Variants in MYO18B observed in about 807,000 individuals in gnomAD.
MYO18B encodes the protein unconventional myosin-XVIIIb.
In MYO18B, 204 loss-of-function variants were observed where a neutral mutation model predicts 273.0. The observed-to-expected ratio is 0.75, with a 90% CI of 0.67 to 0.84. The LOEUF (loss-of-function observed/expected upper bound fraction) is 0.84. Ranked by LOEUF, MYO18B falls within the 40% of genes least tolerant of loss-of-function variation. MYO18B has a pLI of 0.00. For missense variants in MYO18B, 3,212 were observed against 3,287.6 expected (o/e 0.98, Z 0.56); for synonymous variants, 1,330 against 1,305.7 (o/e 1.02, Z -0.40).
At chr22:25,982,544 T>C (rs1017414939) in intron 39 of MYO18B, among the ~76,000 whole-genome samples, 6 of 152,212 alleles carry the variant, frequency 3.9e-5, no homozygotes, top group African/African-American at 1.4e-4. Context: ...ATCATCAGGA[T>C]TGGTGCCTTC....
Position 25,769,224 on chromosome 22 carries a change from C to G in MYO18B, c.1308C>G (p.Gly436=), listed in dbSNP as rs900423862. The G allele has an allele frequency of 1.2e-6, 2 of 1,602,778 alleles. No homozygotes were observed. Among genetic ancestry groups the G allele is most frequent in the African/African-American group, 2.7e-5 (2 of 74,730 alleles). Reference sequence around the variant, plus strand: ...CGCCAGCAGCTCCTGGGAAGGGAGGCTGGCCAGGAAGCCGTGGGCAGGAAG... The same window carrying G: ...CGCCAGCAGCTCCTGGGAAGGGAGGGTGGCCAGGAAGCCGTGGGCAGGAAG... The part of the protein sequence containing the change: ...VESPAAPGKG[G]WPGSRGQEAE... The change falls in exon 4 of 44, where the codon GGC becomes GGG. Residue 436 remains glycine (G), a synonymous_variant. Transcript: ENST00000335473.
chr22:25,904,111 G>T (rs1025150202), intron 31 of MYO18B, among the ~76,000 whole-genome samples: 1 of 152,128 alleles, frequency 6.6e-6, no homozygotes, highest in Non-Finnish European at 1.5e-5. Context: ...CCTTAGCTGG[G>T]TTGCTTTACT....
chr22:25,781,305 G>A (rs184615636), intron 9 of MYO18B, among the ~76,000 whole-genome samples: 52 of 152,298 alleles, frequency 3.4e-4, no homozygotes, highest in Admixed American at 6.5e-4. Flanking sequence ...GACCTGAGAT[G>A]TTGTCTCGAA....
At position 25,874,410 on chromosome 22, in the gene MYO18B, T is replaced by C. The variant is rs1601425828; in HGVS notation, c.4076T>C (p.Leu1359Pro). ...CTGTCTCGCCAGGAATTCAAGAAGC[T>C]GAAGGTACTGCATGCCGTTCCCATG... ...GFLSRQEFKK[L>P]KIRRLAAQCI... The change falls in exon 23 of 44, where the codon CTG becomes CCG. Residue 1359 changes from leucine to proline, a missense_variant. Physicochemically the swap from Leu to Pro is moderately conservative, Grantham distance 98 (BLOSUM62 -3). Transcript: ENST00000335473. 10 of 1,613,230 alleles carry C rather than the reference T, an allele frequency of 6.2e-6. 1 individual carries two copies. In the Admixed American group the frequency reaches 1.2e-4, roughly 19 times the overall value.
intron 12 of MYO18B, among the ~76,000 whole-genome samples, chr22:25,808,509 T>C (rs951940544): frequency 4.6e-5 from 7 of 152,136 alleles, no homozygotes; most frequent in African/African-American, 1.7e-4. Context: ...TCTTCTCCAC[T>C]ACAAGGCCAC....
intron 42 of MYO18B, among the ~76,000 whole-genome samples, chr22:26,014,528 G>A (rs1601834398): frequency 6.6e-6 from 1 of 152,204 alleles, no homozygotes; most frequent in Non-Finnish European, 1.5e-5. Context: ...TGCTTTGATG[G>A]CTTCCCACTG....
chr22:25,904,228 C>T (rs886339226), intron 31 of MYO18B, among the ~76,000 whole-genome samples: 2 of 152,186 alleles, frequency 1.3e-5, no homozygotes, highest in Non-Finnish European at 2.9e-5. Flanking sequence ...TTTTCTCTTT[C>T]TCTTGCTTCT....
At position 25,925,814 on chromosome 22, in the gene MYO18B, A is replaced by AG. The variant is rs1177837972; in HGVS notation, c.5517+4406dup. 3.3e-5 allele frequency among the ~76,000 whole-genome samples: 5 copies of AG among 149,926 alleles called. No individual in the cohort carries two copies. The East Asian group carries it at 9.9e-4, about 30-fold the overall frequency. ...CAGCTACTCAGGAGGCTGAGGCAGG[A>AG]GAATCACTTGAACCCGGGAGGTAGA... On this transcript the variant is annotated intron_variant, in intron 34 of 43. Coordinates refer to ENST00000335473, the MANE Select transcript of MYO18B (RefSeq NM_032608.7).
Position 25,835,376 on chromosome 22 carries a change from C to T in MYO18B, c.3141C>T (p.Gly1047=), listed in dbSNP as rs762263849. 9 of 1,613,830 alleles carry T rather than the reference C, an allele frequency of 5.6e-6. No homozygotes were observed. In the African/African-American group the frequency reaches 9.3e-5, roughly 17 times the overall value. Residue 1047 remains glycine (G), a synonymous_variant, in exon 17 of 44, where the codon GGC becomes GGT. Transcript: ENST00000335473. Reference sequence around the variant, plus strand: ...TAGATGAGGAAGTCCATGTAGAGGGCTCCAGTGACAGTGTGGTGCTCGAGC... The same window carrying T: ...TAGATGAGGAAGTCCATGTAGAGGGTTCCAGTGACAGTGTGGTGCTCGAGC... ...WVLDEEVHVE[G]SSDSVVLERL... is the part of the protein sequence containing the mutation.
At chr22:25,948,482 C>CTTTCCTCTCT (rs2092750081) in intron 36 of MYO18B, among the ~76,000 whole-genome samples, 1 of 98,892 alleles carries the variant, frequency 1.0e-5, no homozygotes, top group Admixed American at 1.1e-4. Context: ...TTCTTTCTTT[C>CTTTCCTCTCT]TTTCTCTTTC....
At chr22:25,944,748 G>A (rs1460559021) in intron 34 of MYO18B, among the ~76,000 whole-genome samples, 1 of 151,854 alleles carries the variant, frequency 6.6e-6, no homozygotes, top group Non-Finnish European at 1.5e-5. Context: ...TCCAGAGGCT[G>A]AGGCAGGAGA....
At chr22:25,838,963 G>C (rs1433544624) in intron 17 of MYO18B, among the ~76,000 whole-genome samples, 1 of 151,492 alleles carries the variant, frequency 6.6e-6, no homozygotes, top group Non-Finnish European at 1.5e-5. Context: ...CTAGTTGTTT[G>C]TATATGTGAG....
At chr22:25,787,309 C>CACACACACACACACACACACAG (rs57856007) in intron 11 of MYO18B, among the ~76,000 whole-genome samples, 47 of 144,784 alleles carry the variant, frequency 3.2e-4, no homozygotes, top group African/African-American at 1.2e-3. Flanking sequence ...CACACACACA[C>CACACACACACACACACACACAG]AGTCTGTCTT....
intron 39 of MYO18B, among the ~76,000 whole-genome samples, chr22:25,990,740 A>T: frequency 8.3e-6 from 1 of 119,796 alleles, no homozygotes; most frequent in Non-Finnish European, 1.7e-5. Flanking sequence ...AAAAAAAAAG[A>T]CTCCAGGCTA....
chr22:25,903,354 C>T (rs2091975934), intron 30 of MYO18B: 1 of 414,514 alleles, frequency 2.4e-6, no homozygotes, highest in African/African-American at 2.0e-5. Flanking sequence ...ATGGGGTCAA[C>T]CCTTCCTGTA....
At chr22:26,040,810 T>C in the MYO18B span, among the ~76,000 whole-genome samples, 9 of 151,678 alleles carry the variant, frequency 5.9e-5, no homozygotes, top group African/African-American at 2.2e-4. Flanking sequence ...ATCGAGTGGG[T>C]GAGGAATGGT....
In MYO18B at chr22:25,878,000, G is replaced by C; in HGVS notation, c.4266G>C (p.Glu1422Asp). The change falls in exon 25 of 44, where the codon GAG (glutamate) becomes GAC (aspartate). Residue 1422 changes from glutamate (E) to aspartate (D), a missense_variant. Coordinates refer to ENST00000335473, the MANE Select transcript of MYO18B (RefSeq NM_032608.7). The part of the protein sequence containing the change: ...TTLRRKLEKS[E>D]KLRNELRQNT... ...TAAGACGGAAGCTAGAAAAATCAGA[G>C]AAGTTGCGGAATGAACTCCGGCAGA... 1 of 1,584,274 alleles carries C rather than the reference G, an allele frequency of 6.3e-7. No individual in the cohort carries two copies. The highest frequency in any genetic ancestry group is 8.6e-7 in the Non-Finnish European group (1 of 1,164,868).
At chr22:25,955,622 AGATCC>A (rs2092842033) in intron 39 of MYO18B, among the ~76,000 whole-genome samples, 2 of 152,200 alleles carry the variant, frequency 1.3e-5, no homozygotes, top group African/African-American at 2.4e-5. Context: ...TTTACATATC[AGATCC>A]CAGACTTTCT....
chr22:26,059,142 G>T, the MYO18B span, among the ~76,000 whole-genome samples: 18 of 152,172 alleles, frequency 1.2e-4, no homozygotes, highest in African/African-American at 4.1e-4. Flanking sequence ...CTTGGACAAG[G>T]ACATTTTCTG....
Sources: allele counts gnomAD v4.1 joint callset (sites outside exome capture counted in the v4.1 genomes callset), GRCh38; gene constraint gnomAD v4.1.1; transcripts MANE v1.5; gene names NCBI Gene and HGNC (gene_info 2026-07-23, HGNC 2026-07-21).